Variants in NPTN observed in about 807,000 individuals in gnomAD.
NPTN encodes the protein SDR-1.
A neutral mutation model predicts 42.7 loss-of-function variants in NPTN; 5 were observed. The observed-to-expected ratio is 0.12, with a 90% CI of 0.06 to 0.25. The LOEUF is 0.25. Ranked by LOEUF, NPTN falls within the 10% of genes least tolerant of loss-of-function variation. The probability of loss-of-function intolerance (pLI) is 1.00; values close to 1 mark genes in which losing one functional copy is unlikely to be tolerated. For missense variants in NPTN, 307 were observed against 525.4 expected (o/e 0.58, Z 4.06); for synonymous variants, 180 against 201.9 (o/e 0.89, Z 0.92).
chr15:73,620,880 C>T (rs1898104248), intron 1 of NPTN, among the ~76,000 whole-genome samples: 1 of 152,208 alleles, frequency 6.6e-6, no homozygotes, highest in Non-Finnish European at 1.5e-5. Context: ...CAATGGGCTA[C>T]TTCAATGTCT....
At position 73,597,853 on chromosome 15, in the gene NPTN, T is replaced by C. The variant is rs762337350; in HGVS notation, c.92-484A>G. On this transcript the variant is annotated intron_variant, in intron 1 of 8. Coordinates refer to ENST00000345330, the MANE Select transcript of NPTN (RefSeq NM_012428.4). The surrounding 1 kb of genome is among the most constrained non-coding windows in gnomAD (Gnocchi z 6.3). Reference sequence around the variant, plus strand: ...ACGCTTTGTTAGAAATGCAGTGTCTTTTGCAAGCCTCAACAAGAAGTATTA... The same window carrying C: ...ACGCTTTGTTAGAAATGCAGTGTCTCTTGCAAGCCTCAACAAGAAGTATTA... Among the ~76,000 whole-genome samples the C allele has an allele frequency of 5.3e-5, 8 of 152,222 alleles. No individual in the cohort carries two copies. Among genetic ancestry groups the C allele is most frequent in the African/African-American group, 9.6e-5 (4 of 41,462 alleles).
chr15:73,568,949 G>A, intron 6 of NPTN: 1 of 985,504 alleles, frequency 1.0e-6, no homozygotes, highest in East Asian at 1.1e-4. Context: ...CCACTGGCAT[G>A]CCTCTGGGGC....
Position 73,560,055 on chromosome 15 carries a change from A to G in NPTN, c.*1008T>C. 1 of 685,734 alleles carries G rather than the reference A, an allele frequency of 1.5e-6. No individual in the cohort carries two copies. The allele number at this position is 685,734 out of a possible 1,614,324, so 42.5% of individuals were successfully genotyped here. The stretch of plus-strand genomic sequence containing the variant: ...TTTATTTTTAAAAACAGGTGAATCC[A>G]CTTTTTTATACATCATTGCACTTCA... On this transcript the variant is annotated 3_prime_UTR_variant, in exon 9 of 9. Transcript: ENST00000345330.
chr15:73,596,916 T>A (rs1226770642), intron 2 of NPTN, 106 bp downstream of exon 2: 8 of 795,664 alleles, frequency 1.0e-5, no homozygotes, highest in African/African-American at 1.9e-5. Flanking sequence ...AGACAAGGGG[T>A]GGGGTGAGTG....
At chr15:73,585,243 G>A (rs1896260445) in intron 4 of NPTN, among the ~76,000 whole-genome samples, 1 of 152,200 alleles carries the variant, frequency 6.6e-6, no homozygotes. Flanking sequence ...GGCCACTGAT[G>A]TTCTCGGAAC....
At chr15:73,620,628 C>CT (rs1017808507) in intron 1 of NPTN, among the ~76,000 whole-genome samples, 23 of 152,212 alleles carry the variant, frequency 1.5e-4, no homozygotes, top group African/African-American at 4.6e-4. Context: ...GAACCCAACT[C>CT]TGTTTTAAAT....
chr15:73,609,259 G>A (rs964603010), intron 1 of NPTN, among the ~76,000 whole-genome samples: 32 of 152,172 alleles, frequency 2.1e-4, no homozygotes, highest in Admixed American at 1.8e-3. Context: ...TCAGATATAA[G>A]GCACAGTATC....
chr15:73,622,135 A>T (rs1898164265), intron 1 of NPTN, among the ~76,000 whole-genome samples: 2 of 152,198 alleles, frequency 1.3e-5, no homozygotes, highest in South Asian at 4.1e-4. Context: ...TGGGTGACAG[A>T]GTGAGACTCC....
At chr15:73,566,924 T>G (rs1040997391) in intron 6 of NPTN, 1 of 682,872 alleles carries the variant, frequency 1.5e-6, no homozygotes, top group Non-Finnish European at 1.8e-6. Flanking sequence ...TACAGGGGAC[T>G]AAAGGAATGC....
chr15:73,575,337 G>A lies in NPTN; in HGVS notation c.707-1542C>T, dbSNP rs573400999. Among the ~76,000 whole-genome samples the A allele has an allele frequency of 3.2e-4, 49 of 152,184 alleles. No homozygotes were observed. The East Asian group carries it at 3.7e-3, about 11-fold the overall frequency. On this transcript the variant is annotated intron_variant, in intron 4 of 8. Coordinates refer to ENST00000345330, the MANE Select transcript of NPTN (RefSeq NM_012428.4). ...TCACCATGTTGGTCAGGCCGGTCTCGAACTGCTAACCTCAGATGATCTGCC... is the reference window on the plus strand; with the variant it reads ...TCACCATGTTGGTCAGGCCGGTCTCAAACTGCTAACCTCAGATGATCTGCC...
chr15:73,580,441 A>AATATATATT lies in NPTN; in HGVS notation c.707-6647_707-6646insAATATATAT, dbSNP rs201553060. On this transcript the variant is annotated intron_variant, in intron 4 of 8. Coordinates refer to ENST00000345330, the MANE Select transcript of NPTN (RefSeq NM_012428.4). Reference sequence around the variant, plus strand: ...TATATAATATATATATAATATATATAATATATATGTATATATACAAAATAT... The same window carrying AATATATATT: ...TATATAATATATATATAATATATATAATATATATTATATATATGTATATATACAAAATAT... 3.0e-4 allele frequency among the ~76,000 whole-genome samples: 34 copies of AATATATATT among 113,906 alleles called. 2 individuals are homozygous for AATATATATT. Among genetic ancestry groups the AATATATATT allele is most frequent in the African/African-American group, 1.4e-3 (33 of 24,148 alleles). The allele number at this position is 113,906 out of a possible 152,430, so 74.7% of individuals were successfully genotyped here. A position where few individuals can be genotyped will look rare whatever the true frequency, so the allele number is the denominator to read the frequency against.
intron 1 of NPTN, among the ~76,000 whole-genome samples, chr15:73,615,333 T>C (rs568453878): frequency 2.6e-4 from 39 of 152,250 alleles, no homozygotes; most frequent in Non-Finnish European, 1.8e-4. Flanking sequence ...AGCTAGCCTT[T>C]ATTGATCATT....
intron 6 of NPTN, among the ~76,000 whole-genome samples, chr15:73,564,011 A>G (rs1894839953): frequency 6.6e-6 from 1 of 152,228 alleles, no homozygotes; most frequent in Admixed American, 6.5e-5. Flanking sequence ...GCCATGAGAT[A>G]ACTTTTTTAA....
At chr15:73,596,887 G>A in intron 2 of NPTN, 135 bp downstream of exon 2, 1 of 725,976 alleles carries the variant, frequency 1.4e-6, no homozygotes, top group Non-Finnish European at 2.3e-6. Flanking sequence ...GAAGGGTCAT[G>A]GGATTGAAAA....
At chr15:73,584,919 C>T (rs1052118038) in intron 4 of NPTN, among the ~76,000 whole-genome samples, 1 of 152,078 alleles carries the variant, frequency 6.6e-6, no homozygotes, top group African/African-American at 2.4e-5. Flanking sequence ...GGCTCTGTTC[C>T]CAGGCCACTG....
At position 73,560,431 on chromosome 15, in the gene NPTN, A is replaced by C. The variant is rs868246662; in HGVS notation, c.*632T>G. On this transcript the variant is annotated 3_prime_UTR_variant, in exon 9 of 9. Coordinates refer to ENST00000345330, the MANE Select transcript of NPTN (RefSeq NM_012428.4). Reference sequence around the variant, plus strand: ...GCAATTCATTATACCCATTCAGTGGACTGTTCCAGCTTATTAAAGTCACAG... The same window carrying C: ...GCAATTCATTATACCCATTCAGTGGCCTGTTCCAGCTTATTAAAGTCACAG... 3.9e-5 allele frequency: 6 copies of C among 152,826 alleles called. No individual in the cohort carries two copies. The highest frequency in any genetic ancestry group is 1.4e-4 in the African/African-American group (6 of 41,428). The allele number at this position is 152,826 out of a possible 1,614,324, so 9.5% of individuals were successfully genotyped here.
At chr15:73,604,295 C>T (rs1897198672) in intron 1 of NPTN, among the ~76,000 whole-genome samples, 2 of 152,100 alleles carry the variant, frequency 1.3e-5, no homozygotes, top group Admixed American at 1.3e-4. Context: ...AAAAAACTGT[C>T]TCTTCAAAAA....
chr15:73,580,535 ATATT>A (rs896976783), intron 4 of NPTN, among the ~76,000 whole-genome samples: 2 of 141,378 alleles, frequency 1.4e-5, no homozygotes, highest in Non-Finnish European at 3.0e-5. Flanking sequence ...ATATATGTAT[ATATT>A]TGTTATATAT....
At chr15:73,580,103 T>C (rs1895909466) in intron 4 of NPTN, among the ~76,000 whole-genome samples, 1 of 152,086 alleles carries the variant, frequency 6.6e-6, no homozygotes, top group Admixed American at 6.6e-5. Flanking sequence ...TAATTTAATG[T>C]TTAAATGGTA....
Sources: allele counts gnomAD v4.1 joint callset (sites outside exome capture counted in the v4.1 genomes callset), GRCh38; gene constraint gnomAD v4.1.1; non-coding constraint Gnocchi (gnomAD v3.1); transcripts MANE v1.5; gene names NCBI Gene and HGNC (gene_info 2026-07-23, HGNC 2026-07-21).